Variants in AMDHD1 observed in about 807,000 individuals in gnomAD.
The protein encoded by AMDHD1 is amidohydrolase domain containing 1, also known as probable imidazolonepropionase.
A neutral mutation model predicts 44.1 loss-of-function variants in AMDHD1; 45 were observed. The observed-to-expected ratio is 1.02, with a 90% CI of 0.80 to 1.31. The LOEUF is 1.31. AMDHD1 is among the 50% of genes most tolerant of loss of function. The pLI is 0.00. For synonymous variants in AMDHD1, 206 were observed against 205.0 expected (o/e 1.00, Z -0.04); for missense variants, 586 against 552.1 (o/e 1.06, Z -0.61).
Position 95,943,391 on chromosome 12 carries a change from G to A in AMDHD1, c.-8G>A. ...GTGGCCTCCCGGCGACCCTCGGCGCGAGGCGACATGGCAAGCGGCCACAGC... is the reference window on the plus strand; with the variant it reads ...GTGGCCTCCCGGCGACCCTCGGCGCAAGGCGACATGGCAAGCGGCCACAGC... On this transcript the variant is annotated 5_prime_UTR_variant, in exon 1 of 9. Coordinates refer to ENST00000266736, the MANE Select transcript of AMDHD1 (RefSeq NM_152435.3). 1.3e-6 allele frequency: 2 copies of A among 1,489,318 alleles called. No individual in the cohort carries two copies. The highest frequency in any genetic ancestry group is 1.8e-6 in the Non-Finnish European group (2 of 1,126,126). The allele number at this position is 1,489,318 out of a possible 1,614,324, so 92.3% of individuals were successfully genotyped here. A position where few individuals can be genotyped will look rare whatever the true frequency, so the allele number is the denominator to read the frequency against.
Position 95,943,520 on chromosome 12 carries a change from G to C in AMDHD1, c.122G>C (p.Ser41Thr). Residue 41 changes from serine to threonine, a missense_variant, in exon 1 of 9, where the codon AGC becomes ACC. Coordinates refer to ENST00000266736, the MANE Select transcript of AMDHD1 (RefSeq NM_152435.3). ...AGCCTGGCGGTGCTGGAAGGCGCCA[G>C]CCTGGTGGTGGGCAAGTAAGTGGCC... Reference protein sequence around the residue: ...LRSLAVLEGASLVVGKDGFIK... With the variant: ...LRSLAVLEGATLVVGKDGFIK... The C allele has an allele frequency of 6.8e-7, 1 of 1,475,410 alleles. No homozygotes were observed. Among genetic ancestry groups the C allele is most frequent in the South Asian group, 1.3e-5 (1 of 77,286 alleles). The allele number at this position is 1,475,410 out of a possible 1,614,324, so 91.4% of individuals were successfully genotyped here. A position where few individuals can be genotyped will look rare whatever the true frequency, so the allele number is the denominator to read the frequency against.
intron 8 of AMDHD1, among the ~76,000 whole-genome samples, chr12:95,967,076 A>G (rs1337660749): frequency 6.6e-6 from 1 of 152,236 alleles, no homozygotes; most frequent in Non-Finnish European, 1.5e-5. Flanking sequence ...ACAGTTCTAC[A>G]TGGCTGGGGA....
chr12:95,957,553 C>T (rs911822866), intron 4 of AMDHD1, among the ~76,000 whole-genome samples: 1 of 152,148 alleles, frequency 6.6e-6, no homozygotes. Flanking sequence ...AATAGGAAGG[C>T]TCATGGTTCC....
At chr12:95,959,945 G>A (rs2080572582) in intron 4 of AMDHD1, among the ~76,000 whole-genome samples, 1 of 124,820 alleles carries the variant, frequency 8.0e-6, no homozygotes, top group Non-Finnish European at 1.7e-5. Flanking sequence ...ACAGATGCAT[G>A]CCACCATGCC....
At chr12:95,949,227 G>A (rs1378430388) in intron 1 of AMDHD1, among the ~76,000 whole-genome samples, 1 of 150,736 alleles carries the variant, frequency 6.6e-6, no homozygotes, top group African/African-American at 2.4e-5. Flanking sequence ...CGGGAGAGGT[G>A]TCAGATTTAT....
intron 3 of AMDHD1, 97 bp from the exon 4 acceptor site, chr12:95,956,588 C>G: frequency 2.0e-6 from 3 of 1,519,784 alleles, no homozygotes; most frequent in Non-Finnish European, 2.7e-6. Context: ...CATATGGCTT[C>G]TTAATCATTA....
rs371569774 is a variant in AMDHD1 at position 95,965,817 on chromosome 12, T to C, written c.1032+38T>C. 5.1e-5 allele frequency: 66 copies of C among 1,292,298 alleles called. 1 individual carries two copies. Among genetic ancestry groups the C allele is most frequent in the Admixed American group, 4.2e-4 (20 of 47,142 alleles). 80.1% of individuals were successfully genotyped at this position (1,292,298 alleles called of 1,614,324 possible). ...TTCATGTACCTTTCTGAGCAGAGTA[T>C]CTACCAAGCATATAAATAATTTAAA... On this transcript the variant is annotated intron_variant, in intron 7 of 8. Transcript: ENST00000266736.
rs779664237 is a variant in AMDHD1 at position 95,965,663 on chromosome 12, A to ATGT, written c.939-23_939-22insTGT. 3.2e-6 allele frequency: 5 copies of ATGT among 1,549,662 alleles called. No individual in the cohort carries two copies. In the South Asian group the frequency reaches 5.7e-5, roughly 18 times the overall value. On this transcript the variant is annotated intron_variant, in intron 6 of 8. Transcript: ENST00000266736. ...ACAAAAGCTCCCATTCTAGAGACTG[A>ATGT]CATATTTTTTTCCTCCCCTTAGACT...
chr12:95,952,821 C>T lies in AMDHD1; in HGVS notation c.242C>T (p.Pro81Leu), dbSNP rs2136762397. The T allele has an allele frequency of 6.3e-7, 1 of 1,577,774 alleles. No individual in the cohort carries two copies. Among genetic ancestry groups the T allele is most frequent in the Non-Finnish European group, 8.7e-7 (1 of 1,147,692 alleles). ...IIDCSGKCIL[P>L]GLVDAHTHPV... ...GACTGCTCTGGGAAATGTATTCTAC[C>T]AGGTATTTACCTCTTTTTCAGTAAA... Residue 81 changes from proline to leucine, a missense_variant and splice_region_variant, in exon 2 of 9, where the codon CCA (proline) becomes CTA (leucine). By Grantham distance (98) the Pro-to-Leu change is moderately conservative. Transcript: ENST00000266736.
At position 95,959,790 on chromosome 12, in the gene AMDHD1, CT is replaced by C. The variant is rs63130861; in HGVS notation, c.588-585del. 7.3e-3 allele frequency among the ~76,000 whole-genome samples: 490 copies of C among 67,334 alleles called. 1 individual carries two copies. Among genetic ancestry groups the C allele is most frequent in the Middle Eastern group, 0.017 (1 of 58 alleles). 44.2% of individuals were successfully genotyped at this position (67,334 alleles called of 152,430 possible). A position where few individuals can be genotyped will look rare whatever the true frequency, so the allele number is the denominator to read the frequency against. ...GAGTGTCCTTGACAGGAAGATTATG[CT>C]TTTTTTTTTTTTTTTTTTTTTTGAG... is the stretch of plus-strand genomic sequence containing the variant. On this transcript the variant is annotated intron_variant, in intron 4 of 8. Coordinates refer to ENST00000266736, the MANE Select transcript of AMDHD1 (RefSeq NM_152435.3).
Position 95,967,979 on chromosome 12 carries a change from C to A in AMDHD1, c.*136C>A. The A allele has an allele frequency of 3.3e-6, 2 of 601,830 alleles. No individual in the cohort carries two copies. The highest frequency in any genetic ancestry group is 5.6e-6 in the Non-Finnish European group (2 of 355,598). 37.3% of individuals were successfully genotyped at this position (601,830 alleles called of 1,614,324 possible). A position where few individuals can be genotyped will look rare whatever the true frequency, so the allele number is the denominator to read the frequency against. ...TACTTCAATGTCTTTTTAAGTCACT[C>A]AAAAAACCCAAGGGATAGATTTATT... On this transcript the variant is annotated 3_prime_UTR_variant, in exon 9 of 9. Coordinates refer to ENST00000266736, the MANE Select transcript of AMDHD1 (RefSeq NM_152435.3).
intron 4 of AMDHD1, among the ~76,000 whole-genome samples, chr12:95,957,335 T>G (rs1385482655): frequency 1.3e-5 from 2 of 152,224 alleles, no homozygotes; most frequent in Non-Finnish European, 2.9e-5. Context: ...AGCTCAAACC[T>G]TGTGGTCTAG....
chr12:95,952,682 C>T, intron 1 of AMDHD1, 35 bp from the exon 2 acceptor site: 1 of 1,389,984 alleles, frequency 7.2e-7, no homozygotes, highest in Non-Finnish European at 1.0e-6. Flanking sequence ...CAAGATTTCC[C>T]CAAATTTAAT....
At chr12:95,954,222 C>T (rs1447297073) in intron 2 of AMDHD1, among the ~76,000 whole-genome samples, 1 of 152,074 alleles carries the variant, frequency 6.6e-6, no homozygotes, top group Non-Finnish European at 1.5e-5. Context: ...CCAGATTATT[C>T]CTTGTGATAA....
chr12:95,964,951 AGAG>A (rs2080602027), intron 6 of AMDHD1, among the ~76,000 whole-genome samples: 1 of 149,704 alleles, frequency 6.7e-6, no homozygotes, highest in African/African-American at 2.4e-5. Flanking sequence ...AAAAAAAAAA[AGAG>A]GGCAAAGGGA....
At chr12:95,965,609 A>G in intron 6 of AMDHD1, 77 bp from the exon 7 acceptor site, 1 of 897,178 alleles carries the variant, frequency 1.1e-6, no homozygotes, top group East Asian at 2.5e-5. Flanking sequence ...GACTGTCTCA[A>G]GTTCTCTTCT....
chr12:95,965,335 C>T (rs909679109), intron 6 of AMDHD1, among the ~76,000 whole-genome samples: 2 of 148,832 alleles, frequency 1.3e-5, no homozygotes, highest in Non-Finnish European at 3.0e-5. Context: ...AGTGTAACCT[C>T]ATTTATTATT....
intron 7 of AMDHD1, 104 bp from the exon 8 acceptor site, chr12:95,966,244 C>G (rs1156229316): frequency 4.5e-6 from 6 of 1,337,760 alleles, no homozygotes; most frequent in Non-Finnish European, 6.2e-6. Context: ...CCAATTCCTC[C>G]TATACCTTTA....
At chr12:95,964,316 C>G (rs2080597928) in intron 6 of AMDHD1, among the ~76,000 whole-genome samples, 1 of 152,150 alleles carries the variant, frequency 6.6e-6, no homozygotes, top group Non-Finnish European at 1.5e-5. Context: ...CCCCTGCTCT[C>G]CCCTGAACCC....
Sources: allele counts gnomAD v4.1 joint callset (sites outside exome capture counted in the v4.1 genomes callset), GRCh38; gene constraint gnomAD v4.1.1; transcripts MANE v1.5; gene names NCBI Gene and HGNC (gene_info 2026-07-23, HGNC 2026-07-21).